Variants in RBFOX1 observed in about 807,000 individuals in gnomAD.
RBFOX1 encodes RNA binding protein fox-1 homolog 1.
In RBFOX1, 8 loss-of-function variants were observed where a neutral mutation model predicts 57.7. The observed-to-expected ratio is 0.14, with a 90% CI of 0.08 to 0.25. The LOEUF is 0.25. RBFOX1 is among the 10% of genes least tolerant of loss of function. RBFOX1 has a pLI of 1.00. For missense variants in RBFOX1, 611 were observed against 548.5 expected (o/e 1.11, Z -1.14); for synonymous variants, 326 against 222.4 (o/e 1.47, Z -4.15).
At chr16:7,342,735 C>G (rs761240014) in intron 4 of RBFOX1, among the ~76,000 whole-genome samples, 1 of 152,032 alleles carries the variant, frequency 6.6e-6, no homozygotes, top group Non-Finnish European at 1.5e-5. Context: ...CATCTTGGCT[C>G]ATGGCTCTGG....
At chr16:7,053,609 A>C (rs2153732864) in intron 4 of RBFOX1, among the ~76,000 whole-genome samples, 1 of 152,326 alleles carries the variant, frequency 6.6e-6, no homozygotes, top group East Asian at 1.9e-4. Context: ...TTGGCAAGTT[A>C]AGGACGCAGT....
At chr16:6,166,446 C>G (rs74006912) in intron 1 of RBFOX1, among the ~76,000 whole-genome samples, 1 of 152,016 alleles carries the variant, frequency 6.6e-6, no homozygotes, top group Non-Finnish European at 1.5e-5. Context: ...AGGTGTCTCT[C>G]TCTTTCTCTC....
rs9928902 is a variant in RBFOX1 at position 5,807,099 on chromosome 16, T to C, written c.319-60204T>C. ...GGCATTCAGGCTTTGGTGTGAAATG[T>C]CTAGGTAAATACTGACTCCTTTGTT... On this transcript the variant is annotated intron_variant, in intron 3 of 19. Coordinates refer to the RBFOX1 transcript ENST00000641259. 1.9e-3 allele frequency among the ~76,000 whole-genome samples: 284 copies of C among 152,290 alleles called. 1 individual carries two copies. Among genetic ancestry groups the C allele is most frequent in the African/African-American group, 5.7e-3 (238 of 41,556 alleles).
intron 3 of RBFOX1, among the ~76,000 whole-genome samples, chr16:5,833,991 C>G (rs1293586234): frequency 1.3e-5 from 2 of 152,188 alleles, no homozygotes; most frequent in African/African-American, 4.8e-5. Flanking sequence ...GAGCCCCCTG[C>G]AAATGCACAT....
At chr16:7,078,330 G>C (rs554676435) in intron 4 of RBFOX1, among the ~76,000 whole-genome samples, 90 of 152,242 alleles carry the variant, frequency 5.9e-4, no homozygotes, top group African/African-American at 2.0e-3. Flanking sequence ...GCTTTCTCTT[G>C]TTTATAACCA....
chr16:5,905,366 T>C (rs2058432625), intron 4 of RBFOX1, among the ~76,000 whole-genome samples: 1 of 151,940 alleles, frequency 6.6e-6, no homozygotes, highest in African/African-American at 2.4e-5. Context: ...CTGGTGTTTT[T>C]ACAAGGAGAG....
At chr16:5,370,832 C>T (rs1024299710) in intron 1 of RBFOX1, among the ~76,000 whole-genome samples, 4 of 152,072 alleles carry the variant, frequency 2.6e-5, no homozygotes, top group African/African-American at 9.7e-5. Context: ...GTTCCACCCA[C>T]CATCCCCCAA....
At chr16:6,073,917 G>T (rs544735741) in intron 1 of RBFOX1, among the ~76,000 whole-genome samples, 1 of 152,096 alleles carries the variant, frequency 6.6e-6, no homozygotes, top group Non-Finnish European at 1.5e-5. Flanking sequence ...TTAAGGCACA[G>T]CATGATCCAG....
chr16:7,137,842 C>G (rs1283387912), intron 4 of RBFOX1, among the ~76,000 whole-genome samples: 1 of 152,232 alleles, frequency 6.6e-6, no homozygotes, highest in Non-Finnish European at 1.5e-5. Flanking sequence ...CACAGGCTCA[C>G]TACATGTTTT....
chr16:6,594,796 G>A (rs1029712600), intron 2 of RBFOX1, among the ~76,000 whole-genome samples: 4 of 151,916 alleles, frequency 2.6e-5, no homozygotes, highest in Non-Finnish European at 5.9e-5. Flanking sequence ...GTTTTTTGTT[G>A]GTTTGTTTTT....
chr16:6,815,549 G>T (rs889745181), intron 3 of RBFOX1, among the ~76,000 whole-genome samples: 2 of 152,168 alleles, frequency 1.3e-5, no homozygotes, highest in African/African-American at 2.4e-5. Context: ...CATTATGCCA[G>T]TCTCTATCCA....
intron 3 of RBFOX1, among the ~76,000 whole-genome samples, chr16:6,854,649 C>T (rs1406073348): frequency 7.7e-6 from 1 of 129,398 alleles, no homozygotes; most frequent in African/African-American, 3.1e-5. Context: ...GGCTGGAGTG[C>T]AGTGGCGCTA....
intron 2 of RBFOX1, among the ~76,000 whole-genome samples, chr16:6,388,483 T>A (rs1037290113): frequency 6.6e-6 from 1 of 152,192 alleles, no homozygotes; most frequent in African/African-American, 2.4e-5. Context: ...TATTATTTAT[T>A]ATTTTTAATT....
chr16:6,837,300 C>G (rs1330650052), intron 3 of RBFOX1, among the ~76,000 whole-genome samples: 1 of 152,212 alleles, frequency 6.6e-6, no homozygotes, highest in East Asian at 1.9e-4. Context: ...GCTCAAGACC[C>G]AGGCTGCTTC....
chr16:7,569,172 C>T (rs531468933), intron 5 of RBFOX1, among the ~76,000 whole-genome samples: 10 of 152,226 alleles, frequency 6.6e-5, no homozygotes, highest in Admixed American at 4.6e-4. Flanking sequence ...TTCTGATGAG[C>T]GTGCAATAGT....
intron 3 of RBFOX1, among the ~76,000 whole-genome samples, chr16:7,037,435 T>A (rs2044831216): frequency 6.6e-6 from 1 of 151,854 alleles, no homozygotes; most frequent in African/African-American, 2.4e-5. Context: ...CAGCCCCTAT[T>A]CAAGATGGAG....
intron 2 of RBFOX1, among the ~76,000 whole-genome samples, chr16:6,340,069 G>A (rs1427153703): frequency 6.6e-6 from 1 of 152,166 alleles, no homozygotes; most frequent in Non-Finnish European, 1.5e-5. Context: ...TTGGTATCTA[G>A]TGACTTTCAG....
At chr16:6,030,117 G>T (rs1231097307) in intron 1 of RBFOX1, among the ~76,000 whole-genome samples, 1 of 152,106 alleles carries the variant, frequency 6.6e-6, no homozygotes, top group Non-Finnish European at 1.5e-5. Context: ...TTGTAGAGTT[G>T]TGATTTCACC....
At chr16:7,032,603 G>A (rs901729929) in intron 3 of RBFOX1, among the ~76,000 whole-genome samples, 15 of 135,934 alleles carry the variant, frequency 1.1e-4, no homozygotes, top group Non-Finnish European at 1.6e-4. Flanking sequence ...TTGTTTGTTT[G>A]TTTGTTTTGC....
Sources: allele counts gnomAD v4.1 joint callset (sites outside exome capture counted in the v4.1 genomes callset), GRCh38; gene constraint gnomAD v4.1.1; transcripts MANE v1.5; gene names NCBI Gene and HGNC (gene_info 2026-07-23, HGNC 2026-07-21).